The following CHD7 variants were observed in gnomAD, a reference collection of about 807,000 sequenced individuals.
CHD7 encodes the protein chromodomain helicase DNA binding protein 7.
CHD7 carries 24 observed loss-of-function variants against 307.3 expected under a neutral mutation model. The ratio of observed to expected loss-of-function variants is 0.08; its 90% confidence interval spans 0.06 to 0.11. CHD7 has a LOEUF of 0.11. CHD7 is among the 10% of genes least tolerant of loss of function. The probability of loss-of-function intolerance (pLI) is 1.00; values close to 1 mark genes in which losing one functional copy is unlikely to be tolerated. For synonymous variants in CHD7, 1,363 were observed against 1,349.9 expected, an observed-to-expected ratio of 1.01 and a Z score of -0.21; for missense variants, 3,106 against 3,727.1, an observed-to-expected ratio of 0.83 and a Z score of 4.34.
At chr8:60,845,511 A>T in intron 23 of CHD7, 102 bp downstream of exon 23, 2 of 1,317,472 alleles carry the variant, frequency 1.5e-6, no homozygotes, top group Non-Finnish European at 2.1e-6. Flanking sequence ...GAACTCGCAG[A>T]TTTGGAGGGT....
intron 1 of CHD7, among the ~76,000 whole-genome samples, chr8:60,704,940 T>C (rs1050516731): frequency 2.6e-5 from 4 of 152,158 alleles, no homozygotes; most frequent in Admixed American, 1.3e-4. Context: ...GACTGTTCAA[T>C]CACATGCCTT....
intron 2 of CHD7, among the ~76,000 whole-genome samples, chr8:60,750,799 A>G (rs1809606079): frequency 6.6e-6 from 1 of 152,244 alleles, no homozygotes; most frequent in Non-Finnish European, 1.5e-5. Context: ...CAGTTGCTGC[A>G]AATTCTTTTT....
intron 2 of CHD7, among the ~76,000 whole-genome samples, chr8:60,754,489 T>C (rs550280883): frequency 2.0e-5 from 3 of 152,334 alleles, no homozygotes; most frequent in Admixed American, 1.3e-4. Context: ...TTTTTTACCT[T>C]CTACTCTTTC....
intron 3 of CHD7, among the ~76,000 whole-genome samples, chr8:60,789,998 A>G (rs893618967): frequency 1.3e-5 from 2 of 152,198 alleles, no homozygotes; most frequent in African/African-American, 2.4e-5. Context: ...TCACTTAGCT[A>G]TGGACCCTGA....
intron 13 of CHD7, chr8:60,824,894 C>G (rs983436437): frequency 3.9e-5 from 6 of 151,990 alleles, no homozygotes; most frequent in Admixed American, 3.9e-4. Flanking sequence ...GTGTGATTTC[C>G]TAGTGGGAAT....
rs943215762 is a variant in CHD7, at chr8:60,795,086, C to G, written c.2197C>G (p.Pro733Ala). The G allele has an allele frequency of 2.5e-6, 4 of 1,613,728 alleles. No homozygotes were observed. The highest frequency in any genetic ancestry group is 3.4e-6 in the Non-Finnish European group (4 of 1,179,776). ...TTCAGACTTAGACAAAACACCCCCACCATCTCCTCCTCCTGAAGAAGATGA... is the reference window on the plus strand; with the variant it reads ...TTCAGACTTAGACAAAACACCCCCAGCATCTCCTCCTCCTGAAGAAGATGA... ...ENSDLDKTPP[P>A]SPPPEEDEDP... Residue 733 changes from proline (P) to alanine (A), a missense_variant, in exon 4 of 38, where the codon CCA becomes GCA. Pro to Ala is a conservative substitution (Grantham distance 27). This residue lies in a region of CHD7 where 998 missense variants were observed against 1,004.5 expected (regional missense o/e 0.99). Transcript: ENST00000423902.
At chr8:60,823,785 A>T (rs1804148811) in intron 12 of CHD7, 55 bp from the exon 13 acceptor site, 1 of 1,420,946 alleles carries the variant, frequency 7.0e-7, no homozygotes, top group Admixed American at 1.8e-5. Flanking sequence ...ATTCATCCTT[A>T]AAGTTATTTA....
Position 60,866,877 on chromosome 8 carries a change from A to G in CHD7, c.*944A>G, listed in dbSNP as rs1246193868. 3 of 152,664 alleles carry G rather than the reference A, an allele frequency of 2.0e-5. No individual in the cohort carries two copies. Among genetic ancestry groups the G allele is most frequent in the Non-Finnish European group, 4.4e-5 (3 of 68,038 alleles). The allele number at this position is 152,664 out of a possible 1,614,324, so 9.5% of individuals were successfully genotyped here. ...CAACTGTAGTAATGATGCTTTTAAT[A>G]AAAGTGACCCATGATATGCAGAGAT... On this transcript the variant is annotated 3_prime_UTR_variant, in exon 38 of 38. Coordinates refer to ENST00000423902, the MANE Select transcript of CHD7 (RefSeq NM_017780.4).
chr8:60,739,216 A>C (rs1414576768), intron 1 of CHD7, among the ~76,000 whole-genome samples: 1 of 152,176 alleles, frequency 6.6e-6, no homozygotes, highest in East Asian at 1.9e-4. Flanking sequence ...TGGAGGATGA[A>C]GCTGCTCCCC....
chr8:60,834,821 C>T (rs894118004), intron 15 of CHD7, among the ~76,000 whole-genome samples: 3 of 152,200 alleles, frequency 2.0e-5, no homozygotes, highest in African/African-American at 4.8e-5. Flanking sequence ...CCTTAAAGTA[C>T]AGATAGGATT....
intron 1 of CHD7, among the ~76,000 whole-genome samples, chr8:60,683,862 C>A (rs1429282968): frequency 6.6e-6 from 1 of 151,340 alleles, no homozygotes; most frequent in Non-Finnish European, 1.5e-5. Flanking sequence ...CAACATAACT[C>A]TTAAAGATGT....
chr8:60,706,728 A>T (rs1807038291), intron 1 of CHD7, among the ~76,000 whole-genome samples: 1 of 152,150 alleles, frequency 6.6e-6, no homozygotes, highest in Non-Finnish European at 1.5e-5. Flanking sequence ...TTTGCTATTT[A>T]AAAAAGTTGA....
At chr8:60,720,256 T>C (rs1807830521) in intron 1 of CHD7, among the ~76,000 whole-genome samples, 2 of 152,206 alleles carry the variant, frequency 1.3e-5, no homozygotes, top group Non-Finnish European at 2.9e-5. Flanking sequence ...GCTGTAAAGA[T>C]CATCAGCCTT....
In CHD7 at chr8:60,846,172, G is replaced by A. The variant is rs528891026; in HGVS notation, c.5210+763G>A. ...TAATGGTGCTATGAACATTGTAGAG[G>A]ACTGGTTTTTAACCAGTATCGGTTA... On this transcript the variant is annotated intron_variant, in intron 23 of 37. Coordinates refer to ENST00000423902, the MANE Select transcript of CHD7 (RefSeq NM_017780.4). Among the ~76,000 whole-genome samples the A allele has an allele frequency of 3.3e-5, 5 of 152,280 alleles. No homozygotes were observed. The East Asian group carries it at 9.6e-4, about 29-fold the overall frequency.
intron 6 of CHD7, among the ~76,000 whole-genome samples, 155 bp downstream of exon 6, chr8:60,801,748 T>G (rs898850933): frequency 6.6e-6 from 1 of 152,224 alleles, no homozygotes; most frequent in African/African-American, 2.4e-5. Context: ...ATATGAATCT[T>G]TGGGATATTT....
intron 24 of CHD7, 53 bp downstream of exon 24, chr8:60,848,657 C>T (rs534260652): frequency 1.7e-4 from 229 of 1,358,688 alleles, no homozygotes; most frequent in South Asian, 6.2e-4. Flanking sequence ...TCTGGGTAGC[C>T]GGAAAACATC....
At chr8:60,839,321 C>A (rs4387010) in intron 19 of CHD7, among the ~76,000 whole-genome samples, 118,930 of 152,170 alleles carry the variant, frequency 0.78, 46,693 homozygotes, top group East Asian at 0.94. Flanking sequence ...GGTATACCAC[C>A]TTTACTTGTT....
chr8:60,730,289 A>C (rs1034389323), intron 1 of CHD7, among the ~76,000 whole-genome samples: 1 of 152,218 alleles, frequency 6.6e-6, no homozygotes, highest in Non-Finnish European at 1.5e-5. Context: ...TTTGTTGAAG[A>C]TGTAGGAAGA....
Position 60,865,853 on chromosome 8 carries a change from G to C in CHD7, c.8914G>C (p.Glu2972Gln). 6.2e-7 allele frequency: 1 copy of C among 1,613,100 alleles called. No individual in the cohort carries two copies. Among genetic ancestry groups the C allele is most frequent in the Non-Finnish European group, 8.5e-7 (1 of 1,179,492 alleles). ...TAAGACTGCAGAGTCCTCCCTCTTA[G>C]AAGACGAAATAGCACAGGGTGAAGA... The part of the protein sequence containing the change: ...LDKTAESSLL[E>Q]DEIAQGEELD... The change falls in exon 38 of 38, where the codon GAA becomes CAA. Residue 2972 changes from glutamate to glutamine, a missense_variant. Transcript: ENST00000423902. This position sits in a 1 kb window ranked among gnomAD's most constrained non-coding sequence, Gnocchi z 4.3.
Sources: gnomAD v4.1 joint callset for allele counts (sites outside exome capture counted in the v4.1 genomes callset) on GRCh38, gnomAD v4.1.1 for gene constraint, gnomAD v4.1.1 regional missense constraint, Gnocchi (gnomAD v3.1) non-coding constraint, MANE v1.5 for transcripts, NCBI Gene and HGNC (gene_info 2026-07-23, HGNC 2026-07-21) for gene names.